ABCC1: variants seen among roughly 807,000 people sequenced by gnomAD.
The protein encoded by ABCC1 is multidrug resistance-associated protein 1.
A neutral mutation model predicts 172.9 loss-of-function variants in ABCC1; 83 were observed. That is an observed-to-expected ratio of 0.48 (90% CI 0.40 to 0.58). The LOEUF is 0.58. Among genes scored for constraint, ABCC1 ranks in the 20% least tolerant of loss-of-function variants. The pLI, the probability that ABCC1 is intolerant of heterozygous loss-of-function variation, is 0.00. For missense variants in ABCC1, 1,817 were observed against 2,002.7 expected (o/e 0.91, Z 1.77); for synonymous variants, 937 against 825.2 (o/e 1.14, Z -2.32).
chr16:15,998,748 C>G (rs1166495289), intron 1 of ABCC1, among the ~76,000 whole-genome samples: 1 of 152,228 alleles, frequency 6.6e-6, no homozygotes. Context: ...TTCCGGTGTC[C>G]TTAAATGCTC....
intron 5 of ABCC1, 34 bp downstream of exon 5, chr16:16,016,655 T>C (rs1488541749): frequency 6.2e-7 from 1 of 1,612,920 alleles, no homozygotes; most frequent in Non-Finnish European, 8.5e-7. Context: ...TGTGTGCGTG[T>C]GTGTGTGAGA....
At chr16:15,971,497 A>G (rs563134777) in intron 1 of ABCC1, among the ~76,000 whole-genome samples, 1 of 152,332 alleles carries the variant, frequency 6.6e-6, no homozygotes, top group Non-Finnish European at 1.5e-5. Context: ...ACATTTCCCA[A>G]GGACCCCTTT....
rs758444339 is a variant in ABCC1 at position 16,007,970 on chromosome 16, C to T, written c.203C>T (p.Thr68Ile). 3 of 1,592,950 alleles carry T rather than the reference C, an allele frequency of 1.9e-6. No individual in the cohort carries two copies. The highest frequency in any genetic ancestry group is 1.4e-5 in the African/African-American group (1 of 72,956). The change falls in exon 2 of 31, where the codon ACA (threonine) becomes ATA (isoleucine). Residue 68 changes from threonine (T) to isoleucine (I), a missense_variant. Transcript: ENST00000399410. The stretch of plus-strand genomic sequence containing the variant: ...CATGACCGAGGCTACATTCAGATGA[C>T]ACCTCTCAACAAAACCAAAACTGTA... Reference protein sequence around the residue: ...SRHDRGYIQMTPLNKTKTALG... With the variant: ...SRHDRGYIQMIPLNKTKTALG...
rs767740685 is a variant in ABCC1 at position 16,131,971 on chromosome 16, C to T, written c.3966+36C>T. On this transcript the variant is annotated intron_variant, in intron 27 of 30. Transcript: ENST00000399410. ...ATCGCCCCATTCCCTCACCCATTCC[C>T]AGTCGGGCACAGGGTGCCATCGGGC... is the stretch of plus-strand genomic sequence containing the variant. 86 of 1,597,452 alleles carry T rather than the reference C, an allele frequency of 5.4e-5. 1 individual carries two copies. The Admixed American group carries it at 8.6e-4, about 16-fold the overall frequency.
At chr16:15,995,025 C>T (rs1030809345) in intron 1 of ABCC1, among the ~76,000 whole-genome samples, 8 of 150,530 alleles carry the variant, frequency 5.3e-5, no homozygotes, top group African/African-American at 1.5e-4. Context: ...CAGGTACTTG[C>T]GAGGCTGAGG....
rs1362194179 is a variant in ABCC1, at chr16:16,106,876, G to A, written c.2871+3G>A. ...CTGACAAGGCGCAGACAGGGCAGGTGAGATTCGCTCCTTAAGTGATGACAG... is the reference window on the plus strand; with the variant it reads ...CTGACAAGGCGCAGACAGGGCAGGTAAGATTCGCTCCTTAAGTGATGACAG... On this transcript the variant is annotated splice_donor_region_variant and intron_variant, in intron 21 of 30. Transcript: ENST00000399410. 2 of 1,613,908 alleles carry A rather than the reference G, an allele frequency of 1.2e-6. No homozygotes were observed. Among genetic ancestry groups the A allele is most frequent in the Non-Finnish European group, 1.7e-6 (2 of 1,179,984 alleles).
At chr16:16,020,853 A>G (rs146284762) in intron 5 of ABCC1, among the ~76,000 whole-genome samples, 8 of 152,004 alleles carry the variant, frequency 5.3e-5, no homozygotes, top group Non-Finnish European at 1.2e-4. Flanking sequence ...ACTTGGTACT[A>G]TTTTTCTCAT....
At chr16:15,996,068 T>A (rs1475054193) in intron 1 of ABCC1, among the ~76,000 whole-genome samples, 1 of 132,732 alleles carries the variant, frequency 7.5e-6, no homozygotes, top group Non-Finnish European at 1.5e-5. Flanking sequence ...CACCACAACC[T>A]CCACCTCCTG....
intron 18 of ABCC1, among the ~76,000 whole-genome samples, chr16:16,089,630 G>T (rs975036026): frequency 4.6e-5 from 7 of 152,088 alleles, no homozygotes. Context: ...AAAACTTTGG[G>T]AGGCCAAGAT....
At chr16:16,091,165 G>A (rs35600994) in intron 19 of ABCC1, among the ~76,000 whole-genome samples, 61,072 of 151,740 alleles carry the variant, frequency 0.4, 13,538 homozygotes, top group African/African-American at 0.61. Flanking sequence ...GTGGTTCCCA[G>A]CACTTGTAAT....
chr16:16,026,320 G>A (rs769553165), intron 5 of ABCC1, among the ~76,000 whole-genome samples: 8 of 150,572 alleles, frequency 5.3e-5, no homozygotes, highest in South Asian at 2.1e-4. Context: ...TGTAATCCCC[G>A]CTATGTGGCA....
intron 23 of ABCC1, among the ~76,000 whole-genome samples, chr16:16,120,087 G>A (rs1001449093): frequency 1.3e-5 from 2 of 152,040 alleles, no homozygotes; most frequent in African/African-American, 2.4e-5. Context: ...TGCAATTAAC[G>A]CCCGTGCCGC....
chr16:16,090,278 C>G, intron 18 of ABCC1, 127 bp from the exon 19 acceptor site: 4 of 971,230 alleles, frequency 4.1e-6, no homozygotes, highest in Non-Finnish European at 5.8e-6. Context: ...GTGCATGTCC[C>G]ACCTTCAGAC....
chr16:15,958,535 A>G (rs1479887890), intron 1 of ABCC1, among the ~76,000 whole-genome samples: 3 of 152,192 alleles, frequency 2.0e-5, no homozygotes, highest in Non-Finnish European at 2.9e-5. Flanking sequence ...TGAAGTTAGC[A>G]TCTGATTGGT....
chr16:15,996,642 A>G (rs571591262), intron 1 of ABCC1, among the ~76,000 whole-genome samples: 1 of 152,034 alleles, frequency 6.6e-6, no homozygotes, highest in Admixed American at 6.5e-5. Context: ...TTATCCCTGC[A>G]GGCCTGCTTG....
intron 27 of ABCC1, 69 bp downstream of exon 27, chr16:16,132,004 C>G (rs375066560): frequency 5.8e-6 from 9 of 1,563,898 alleles, no homozygotes; most frequent in Non-Finnish European, 7.0e-6. Flanking sequence ...GGCAGGTGAA[C>G]CTAGCTGCAG....
intron 1 of ABCC1, among the ~76,000 whole-genome samples, chr16:15,987,306 T>C (rs1429268389): frequency 3.3e-5 from 5 of 152,222 alleles, no homozygotes; most frequent in Non-Finnish European, 7.3e-5. Context: ...AGTATTCCCA[T>C]TTTACAGATG....
chr16:16,131,810 A>G lies in ABCC1; in HGVS notation c.3841A>G (p.Thr1281Ala), dbSNP rs2045685272. The change falls in exon 27 of 31, where the codon ACA becomes GCA. Residue 1281 changes from threonine (T) to alanine (A), a missense_variant. By Grantham distance (58) the Thr-to-Ala change is moderately conservative. Transcript: ENST00000399410. ...GAAGGCGCCCTGGCAAATCCAGGAGACAGCTCCGCCCAGCAGCTGGCCCCA... is the reference window on the plus strand; with the variant it reads ...GAAGGCGCCCTGGCAAATCCAGGAGGCAGCTCCGCCCAGCAGCTGGCCCCA... ...EKEAPWQIQE[T>A]APPSSWPQVG... 2 of 1,613,772 alleles carry G rather than the reference A, an allele frequency of 1.2e-6. No individual in the cohort carries two copies. Among genetic ancestry groups the G allele is most frequent in the Admixed American group, 1.7e-5 (1 of 59,898 alleles).
chr16:16,118,152 C>G (rs2044981394), intron 23 of ABCC1, among the ~76,000 whole-genome samples: 1 of 152,186 alleles, frequency 6.6e-6, no homozygotes, highest in South Asian at 2.1e-4. Context: ...AAAGGATTAA[C>G]CGCAGCACAA....
Sources: allele counts gnomAD v4.1 joint callset (sites outside exome capture counted in the v4.1 genomes callset), GRCh38; gene constraint gnomAD v4.1.1; transcripts MANE v1.5; gene names NCBI Gene and HGNC (gene_info 2026-07-23, HGNC 2026-07-21).